PRKCE: variants seen among roughly 807,000 people sequenced by gnomAD.
PRKCE encodes the protein protein kinase C epsilon.
Under a neutral mutation model 85.4 loss-of-function variants are expected in PRKCE, and 16 were observed. That is an observed-to-expected ratio of 0.19 (90% CI 0.13 to 0.28). The LOEUF is 0.28. PRKCE is among the 10% of genes least tolerant of loss of function. PRKCE has a pLI of 1.00. For missense variants in PRKCE, 573 were observed against 975.2 expected, an observed-to-expected ratio of 0.59 and a Z score of 5.49; for synonymous variants, 388 against 371.5, an observed-to-expected ratio of 1.04 and a Z score of -0.51.
At chr2:45,728,341 C>G (rs1032006900) in intron 1 of PRKCE, among the ~76,000 whole-genome samples, 1 of 152,076 alleles carries the variant, frequency 6.6e-6, no homozygotes, top group African/African-American at 2.4e-5. Flanking sequence ...TGCTTCATAC[C>G]TAGAAGGCCA....
At chr2:45,686,327 G>T (rs559520729) in intron 1 of PRKCE, 1 of 152,242 alleles carries the variant, frequency 6.6e-6, no homozygotes, top group South Asian at 2.1e-4. Flanking sequence ...GATTACATGG[G>T]GCTTAGGGGG....
chr2:46,136,629 T>C (rs1281648674), intron 11 of PRKCE, among the ~76,000 whole-genome samples: 3 of 152,164 alleles, frequency 2.0e-5, no homozygotes, highest in Admixed American at 1.3e-4. Flanking sequence ...AAAGGAATAC[T>C]GTCTGTGATA....
chr2:45,734,191 C>G (rs1210241383), intron 1 of PRKCE, among the ~76,000 whole-genome samples: 1 of 152,016 alleles, frequency 6.6e-6, no homozygotes, highest in Non-Finnish European at 1.5e-5. Flanking sequence ...ATGGTGAAAC[C>G]CCGTCTCTAC....
intron 1 of PRKCE, among the ~76,000 whole-genome samples, chr2:45,764,544 G>C (rs982940810): frequency 5.3e-5 from 8 of 152,214 alleles, no homozygotes; most frequent in African/African-American, 1.9e-4. Context: ...TGTGCAGTGG[G>C]ACAGGCATGG....
intron 14 of PRKCE, among the ~76,000 whole-genome samples, chr2:46,166,041 T>C (rs1678303821): frequency 6.6e-6 from 1 of 152,128 alleles, no homozygotes; most frequent in Non-Finnish European, 1.5e-5. Flanking sequence ...GAGGCCCCTC[T>C]CAACCTCATG....
At chr2:45,915,196 T>C (rs1458997163) in intron 2 of PRKCE, among the ~76,000 whole-genome samples, 1 of 152,226 alleles carries the variant, frequency 6.6e-6, no homozygotes, top group Non-Finnish European at 1.5e-5. Flanking sequence ...GACTCCATAT[T>C]GTATTTTAGA....
chr2:46,149,541 T>C (rs1019151306), intron 12 of PRKCE, among the ~76,000 whole-genome samples: 35 of 152,270 alleles, frequency 2.3e-4, no homozygotes, highest in African/African-American at 7.9e-4. Context: ...CAGCTCAGCA[T>C]TTATTTTTCC....
intron 1 of PRKCE, among the ~76,000 whole-genome samples, chr2:45,712,767 A>G (rs1024035061): frequency 2.0e-5 from 3 of 151,902 alleles, no homozygotes; most frequent in African/African-American, 4.8e-5. Flanking sequence ...CTGGGCTTCC[A>G]TCTGCTTGGC....
intron 2 of PRKCE, among the ~76,000 whole-genome samples, chr2:45,903,314 A>G (rs1374682913): frequency 6.6e-6 from 1 of 152,220 alleles, no homozygotes; most frequent in African/African-American, 2.4e-5. Context: ...AGGCTTTAAA[A>G]AATACTAATT....
intron 13 of PRKCE, among the ~76,000 whole-genome samples, chr2:46,157,677 C>T (rs929738972): frequency 3.3e-5 from 5 of 152,218 alleles, no homozygotes; most frequent in African/African-American, 1.2e-4. Context: ...CTGAGAAGAG[C>T]CTCTGGCTCA....
intron 2 of PRKCE, among the ~76,000 whole-genome samples, chr2:45,953,728 T>G (rs183910005): frequency 1.1e-4 from 17 of 152,328 alleles, no homozygotes; most frequent in African/African-American, 4.1e-4. Flanking sequence ...AAAGTACCAG[T>G]GCCTGGGCTC....
At chr2:46,121,477 A>G (rs1177221027) in intron 11 of PRKCE, among the ~76,000 whole-genome samples, 3 of 152,148 alleles carry the variant, frequency 2.0e-5, no homozygotes, top group African/African-American at 7.2e-5. Flanking sequence ...CCTGTCTTTG[A>G]CATACAGGTA....
At chr2:45,847,055 G>A (rs917862658) in intron 2 of PRKCE, among the ~76,000 whole-genome samples, 1 of 152,198 alleles carries the variant, frequency 6.6e-6, no homozygotes, top group African/African-American at 2.4e-5. Context: ...CCAAAGAGGC[G>A]ACTTAACAGA....
intron 10 of PRKCE, chr2:46,010,754 A>C: frequency 1.3e-6 from 2 of 1,598,126 alleles, no homozygotes; most frequent in Non-Finnish European, 1.7e-6. Context: ...TTGCAGCCAG[A>C]GTTGGACAAA....
rs1200302251 is a variant in PRKCE at position 46,184,854 on chromosome 2, C to G, written c.2187C>G (p.Ser729=). ...ACCAGGAGGAATTCAAAGGTTTCTC[C>G]TACTTTGGTGAAGACCTGATGCCCT... ...QINQEEFKGF[S]YFGEDLMP The change falls in exon 15 of 15, where the codon TCC becomes TCG. Residue 729 remains serine (S), a synonymous_variant. Transcript: ENST00000306156. This position sits in a 1 kb window ranked among gnomAD's most constrained non-coding sequence, Gnocchi z 5.0. 6.3e-7 allele frequency: 1 copy of G among 1,599,672 alleles called. No individual in the cohort carries two copies. Among genetic ancestry groups the G allele is most frequent in the African/African-American group, 1.3e-5 (1 of 74,950 alleles).
intron 2 of PRKCE, among the ~76,000 whole-genome samples, chr2:45,892,600 C>G (rs1573774391): frequency 6.6e-6 from 1 of 152,066 alleles, no homozygotes; most frequent in Admixed American, 6.6e-5. Context: ...AATGGAGTTG[C>G]CTTGGTTGTA....
intron 2 of PRKCE, among the ~76,000 whole-genome samples, chr2:45,847,666 A>G (rs933299097): frequency 2.0e-5 from 3 of 152,174 alleles, no homozygotes; most frequent in Admixed American, 1.3e-4. Context: ...CCAGGCCACA[A>G]TCCAGGTCCT....
At chr2:45,956,727 A>T (rs1283774529) in intron 2 of PRKCE, among the ~76,000 whole-genome samples, 2 of 152,154 alleles carry the variant, frequency 1.3e-5, no homozygotes, top group African/African-American at 2.4e-5. Flanking sequence ...TTCCAAAGTG[A>T]CAGGACCATT....
intron 11 of PRKCE, among the ~76,000 whole-genome samples, chr2:46,100,642 T>C (rs556688284): frequency 9.8e-5 from 15 of 152,378 alleles, no homozygotes; most frequent in Non-Finnish European, 2.1e-4. Flanking sequence ...GGTTTCTTTC[T>C]AGATTTGTAC....
Sources: gnomAD v4.1 joint callset for allele counts (sites outside exome capture counted in the v4.1 genomes callset) on GRCh38, gnomAD v4.1.1 for gene constraint, Gnocchi (gnomAD v3.1) non-coding constraint, MANE v1.5 for transcripts, NCBI Gene and HGNC (gene_info 2026-07-23, HGNC 2026-07-21) for gene names.